CELF2: variants seen among roughly 807,000 people sequenced by gnomAD.
CELF2 encodes the protein CUGBP Elav-like family member 2.
CELF2 carries 8 observed loss-of-function variants against 62.6 expected under a neutral mutation model. The observed-to-expected ratio is 0.13, with a 90% CI of 0.07 to 0.23. CELF2 has a LOEUF of 0.23. Among genes scored for constraint, CELF2 ranks in the 10% least tolerant of loss-of-function variants. CELF2 has a pLI of 1.00. For missense variants in CELF2, 333 were observed against 671.0 expected, an observed-to-expected ratio of 0.50 and a Z score of 5.56; for synonymous variants, 258 against 250.0, an observed-to-expected ratio of 1.03 and a Z score of -0.30.
chr10:10,831,979 T>TAAAATAA (rs1226048753), intron 1 of CELF2, among the ~76,000 whole-genome samples: 1 of 125,586 alleles, frequency 8.0e-6, no homozygotes, highest in African/African-American at 2.9e-5. Context: ...CTTGAAAAAA[T>TAAAATAA]AAATAAGGCC....
In CELF2 at chr10:11,058,759, C is replaced by A. The variant is rs529445571; in HGVS notation, c.74+40596C>A. The stretch of plus-strand genomic sequence containing the variant: ...CTGGGATTACAGACATGACCCACCG[C>A]GCCCGGGCTTTTTTGTTTTGTTTTG... On this transcript the variant is annotated intron_variant, in intron 1 of 12. Transcript: ENST00000633077. 1.4e-4 allele frequency among the ~76,000 whole-genome samples: 22 copies of A among 151,870 alleles called. No individual in the cohort carries two copies. The East Asian group carries it at 4.1e-3, about 28-fold the overall frequency.
chr10:11,201,565 A>G (rs561880422), intron 2 of CELF2, among the ~76,000 whole-genome samples: 22 of 152,356 alleles, frequency 1.4e-4, no homozygotes, highest in Non-Finnish European at 3.1e-4. Flanking sequence ...GGAAGCCTTT[A>G]GTCACGTGGC....
At chr10:11,086,595 A>AAAAACAAAC (rs1842719931) in intron 1 of CELF2, among the ~76,000 whole-genome samples, 1 of 147,952 alleles carries the variant, frequency 6.8e-6, no homozygotes, top group African/African-American at 2.5e-5. Flanking sequence ...AAAAAAAAAA[A>AAAAACAAAC]AAAAAAAAAA....
At position 11,223,946 on chromosome 10, in the gene CELF2, G is replaced by T. The variant is rs537139655; in HGVS notation, c.354+6439G>T. 1.2e-4 allele frequency among the ~76,000 whole-genome samples: 19 copies of T among 152,370 alleles called. No individual in the cohort carries two copies. Among genetic ancestry groups the T allele is most frequent in the African/African-American group, 4.1e-4 (17 of 41,588 alleles). ...TAAAGTTTTACACACTACCTGAATA[G>T]CAGGTTGTTTTGGTTTTGGCTGGCA... On this transcript the variant is annotated intron_variant, in intron 3 of 12. Transcript: ENST00000633077. This position sits in a 1 kb window ranked among gnomAD's most constrained non-coding sequence, Gnocchi z 5.1.
chr10:11,137,425 T>C (rs754973289), intron 1 of CELF2, among the ~76,000 whole-genome samples: 3 of 152,250 alleles, frequency 2.0e-5, no homozygotes, highest in Non-Finnish European at 4.4e-5. Context: ...TACAATGCTG[T>C]GGGTAAGAGC....
intron 1 of CELF2, among the ~76,000 whole-genome samples, chr10:10,806,598 T>C (rs970585625): frequency 6.6e-6 from 1 of 152,196 alleles, no homozygotes; most frequent in East Asian, 1.9e-4. Flanking sequence ...TCTGGACATG[T>C]AGATCCACTT....
At chr10:10,976,032 G>A (rs757272824) in intron 2 of CELF2, among the ~76,000 whole-genome samples, 5 of 152,214 alleles carry the variant, frequency 3.3e-5, no homozygotes, top group Admixed American at 6.5e-5. Context: ...CCTGGAAAGG[G>A]GTGGTAACTT....
intron 1 of CELF2, among the ~76,000 whole-genome samples, chr10:11,058,185 A>G (rs1398345259): frequency 6.6e-6 from 1 of 152,130 alleles, no homozygotes; most frequent in Non-Finnish European, 1.5e-5. Flanking sequence ...GGCATAAAAT[A>G]CTAAACCAGT....
upstream of CELF2, chr10:10,798,578 G>A (rs1045735421): frequency 2.5e-6 from 1 of 394,586 alleles, no homozygotes; most frequent in East Asian, 3.6e-5. Context: ...AGCCGGGTGT[G>A]GGACGGAGGA....
chr10:10,632,075 A>G, the CELF2 span, among the ~76,000 whole-genome samples: 1 of 152,174 alleles, frequency 6.6e-6, no homozygotes, highest in Non-Finnish European at 1.5e-5. Context: ...GCTCCCTCAA[A>G]GTGACCCATC....
intron 2 of CELF2, among the ~76,000 whole-genome samples, chr10:10,991,943 A>T (rs2053483978): frequency 6.6e-6 from 1 of 152,068 alleles, no homozygotes; most frequent in South Asian, 2.1e-4. Context: ...TTCTTCATTC[A>T]CTTGGTTATT....
chr10:10,693,559 T>A, the CELF2 span, among the ~76,000 whole-genome samples: 1 of 151,110 alleles, frequency 6.6e-6, no homozygotes, highest in Admixed American at 6.6e-5. Flanking sequence ...TCTTTTTCTA[T>A]TGATTGGAAT....
At chr10:11,059,177 GCTCT>G (rs942912946) in intron 1 of CELF2, among the ~76,000 whole-genome samples, 29 of 152,142 alleles carry the variant, frequency 1.9e-4, no homozygotes, top group African/African-American at 7.0e-4. Flanking sequence ...TAGAACGCAG[GCTCT>G]CTGACTCATT....
chr10:10,710,473 G>C, the CELF2 span, among the ~76,000 whole-genome samples: 2 of 152,322 alleles, frequency 1.3e-5, no homozygotes, highest in East Asian at 3.9e-4. Flanking sequence ...CATATATTAA[G>C]CACATGCTCC....
chr10:10,571,124 G>C, the CELF2 span, among the ~76,000 whole-genome samples: 1 of 152,066 alleles, frequency 6.6e-6, no homozygotes, highest in Admixed American at 6.6e-5. Context: ...ACTTTCAGAA[G>C]CAAATGGCAG....
the CELF2 span, among the ~76,000 whole-genome samples, chr10:10,514,111 A>G: frequency 1.3e-5 from 2 of 152,238 alleles, no homozygotes; most frequent in South Asian, 2.1e-4. Flanking sequence ...CTAAGCACAC[A>G]GAACTCCTGG....
At chr10:10,746,571 T>C in the CELF2 span, among the ~76,000 whole-genome samples, 3 of 152,192 alleles carry the variant, frequency 2.0e-5, no homozygotes, top group African/African-American at 4.8e-5. Flanking sequence ...TTCTAATGCA[T>C]GTTGTAAAAG....
intron 1 of CELF2, among the ~76,000 whole-genome samples, chr10:11,111,738 C>T (rs2055223503): frequency 6.6e-6 from 1 of 152,236 alleles, no homozygotes; most frequent in Non-Finnish European, 1.5e-5. Context: ...TTCCTACAGG[C>T]AGAGTGCCCC....
chr10:10,605,050 A>T, the CELF2 span, among the ~76,000 whole-genome samples: 8 of 152,028 alleles, frequency 5.3e-5, no homozygotes, highest in Non-Finnish European at 1.2e-4. Flanking sequence ...GACTGGATAA[A>T]GAAAATGTGG....
Sources: gnomAD v4.1 joint callset for allele counts (sites outside exome capture counted in the v4.1 genomes callset) on GRCh38, gnomAD v4.1.1 for gene constraint, Gnocchi (gnomAD v3.1) non-coding constraint, MANE v1.5 for transcripts, NCBI Gene and HGNC (gene_info 2026-07-23, HGNC 2026-07-21) for gene names.